The following INO80 variants were observed in gnomAD, a reference collection of about 807,000 sequenced individuals.
The protein encoded by INO80 is chromatin-remodeling ATPase INO80.
In INO80, 20 loss-of-function variants were observed where a neutral mutation model predicts 203.4. The observed-to-expected ratio is 0.10, with a 90% CI of 0.07 to 0.14. The LOEUF is 0.14. Ranked by LOEUF, INO80 falls within the 10% of genes least tolerant of loss-of-function variation. The probability of loss-of-function intolerance (pLI) is 1.00; values close to 1 mark genes in which losing one functional copy is unlikely to be tolerated. For missense variants in INO80, 1,419 were observed against 1,914.4 expected, an observed-to-expected ratio of 0.74 and a Z score of 4.83; for synonymous variants, 726 against 685.2, an observed-to-expected ratio of 1.06 and a Z score of -0.93.
chr15:41,000,201 G>C (rs1049862478), intron 28 of INO80, among the ~76,000 whole-genome samples: 1 of 152,118 alleles, frequency 6.6e-6, no homozygotes, highest in Non-Finnish European at 1.5e-5. Flanking sequence ...AGGAATCAAA[G>C]GCTCCTCTCT....
intron 21 of INO80, 125 bp downstream of exon 21, chr15:41,049,162 G>C: frequency 2.7e-6 from 2 of 742,758 alleles, no homozygotes; most frequent in Non-Finnish European, 4.1e-6. Flanking sequence ...ACAAATAGTT[G>C]TCCACCCTTT....
At chr15:41,086,275 G>GAA (rs1388719014) in intron 6 of INO80, among the ~76,000 whole-genome samples, 5 of 152,164 alleles carry the variant, frequency 3.3e-5, no homozygotes. Context: ...TCAGGTTGGA[G>GAA]AAAGTGTGTG....
At chr15:41,091,049 T>G (rs558125378) in intron 5 of INO80, among the ~76,000 whole-genome samples, 1 of 151,716 alleles carries the variant, frequency 6.6e-6, no homozygotes, top group South Asian at 2.1e-4. Context: ...CTCAGCCTCC[T>G]GAGTACCTGG....
chr15:41,107,432 T>C (rs1340507453), intron 1 of INO80, among the ~76,000 whole-genome samples: 2 of 151,854 alleles, frequency 1.3e-5, no homozygotes, highest in East Asian at 1.9e-4. Flanking sequence ...ACCCAGGAGA[T>C]GAAGGTTGCA....
intron 4 of INO80, among the ~76,000 whole-genome samples, chr15:41,095,271 G>A (rs1435856180): frequency 2.6e-5 from 4 of 152,158 alleles, no homozygotes; most frequent in Admixed American, 6.6e-5. Context: ...AACCTAGGAG[G>A]CGGAGGTTGC....
At chr15:41,026,486 G>A (rs2044376566) in intron 25 of INO80, among the ~76,000 whole-genome samples, 1 of 151,996 alleles carries the variant, frequency 6.6e-6, no homozygotes, top group Non-Finnish European at 1.5e-5. Flanking sequence ...CCAGGAGGTT[G>A]AGGTTGCAGT....
At chr15:40,987,282 A>T in intron 30 of INO80, 89 bp from the exon 31 acceptor site, 2 of 759,026 alleles carry the variant, frequency 2.6e-6, no homozygotes, top group Non-Finnish European at 4.5e-6. Context: ...TTCTCAACCC[A>T]CTCCTCAGGG....
intron 27 of INO80, among the ~76,000 whole-genome samples, chr15:41,014,792 C>A (rs954421663): frequency 5.3e-5 from 8 of 152,154 alleles, no homozygotes; most frequent in Non-Finnish European, 1.0e-4. Flanking sequence ...ATTCAACAAG[C>A]CAATCTTGGC....
At chr15:41,111,333 T>A (rs1201530887) in intron 1 of INO80, among the ~76,000 whole-genome samples, 1 of 152,036 alleles carries the variant, frequency 6.6e-6, no homozygotes, top group Non-Finnish European at 1.5e-5. Flanking sequence ...GTAGTCCCGG[T>A]TACTCAGGAG....
At chr15:41,045,413 A>G (rs2044738715) in intron 23 of INO80, among the ~76,000 whole-genome samples, 1 of 151,954 alleles carries the variant, frequency 6.6e-6, no homozygotes, top group South Asian at 2.1e-4. Flanking sequence ...AGATGGCAAA[A>G]TACAGTCTCT....
chr15:41,020,260 G>C (rs1178247103), intron 26 of INO80, among the ~76,000 whole-genome samples: 2 of 152,072 alleles, frequency 1.3e-5, no homozygotes, highest in Admixed American at 1.3e-4. Flanking sequence ...AGAGATTTTG[G>C]ACAACCAAAA....
At chr15:41,088,665 C>A (rs1203892705) in intron 5 of INO80, among the ~76,000 whole-genome samples, 1 of 152,130 alleles carries the variant, frequency 6.6e-6, no homozygotes, top group Non-Finnish European at 1.5e-5. Flanking sequence ...ATTACTAATG[C>A]ATAAATATAA....
chr15:41,017,290 T>G (rs1293122431), intron 26 of INO80: 1 of 152,258 alleles, frequency 6.6e-6, no homozygotes. Flanking sequence ...TAGAGTTTCC[T>G]GTTTGCAGAC....
At chr15:41,103,550 C>T (rs1380845149) in intron 1 of INO80, among the ~76,000 whole-genome samples, 1 of 152,040 alleles carries the variant, frequency 6.6e-6, no homozygotes, top group Non-Finnish European at 1.5e-5. Context: ...CCACCACGCC[C>T]GGCTAATTTT....
chr15:41,081,811 G>A (rs1466276808), intron 7 of INO80, among the ~76,000 whole-genome samples: 1 of 152,100 alleles, frequency 6.6e-6, no homozygotes, highest in African/African-American at 2.4e-5. Context: ...AAGTGACAAA[G>A]AAGGTCTGAA....
At chr15:41,042,803 T>G (rs1361542243) in intron 24 of INO80, among the ~76,000 whole-genome samples, 2 of 152,162 alleles carry the variant, frequency 1.3e-5, no homozygotes, top group African/African-American at 4.8e-5. Flanking sequence ...ATGAGAACCA[T>G]AAGCTCTAGC....
intron 21 of INO80, 133 bp downstream of exon 21, chr15:41,049,154 A>G (rs2044819184): frequency 1.4e-6 from 1 of 714,348 alleles, no homozygotes; most frequent in Admixed American, 3.3e-5. Flanking sequence ...ATCCCTCAAC[A>G]AATAGTTGTC....
chr15:41,036,156 G>GAAAAAAAAAAAAAAAAAAA (rs369185302), intron 24 of INO80, among the ~76,000 whole-genome samples: 1 of 32,138 alleles, frequency 3.1e-5, no homozygotes, highest in African/African-American at 9.5e-5. Flanking sequence ...ACTCTCTCTC[G>GAAAAAAAAAAAAAAAAAAA]AAAAAAAAAA....
At chr15:41,077,150 G>A (rs150434125) in intron 9 of INO80, among the ~76,000 whole-genome samples, 6 of 151,246 alleles carry the variant, frequency 4.0e-5, no homozygotes, top group South Asian at 2.1e-4. Context: ...CTCTTGATCC[G>A]CCCACCTCGG....
Sources: allele counts gnomAD v4.1 joint callset (sites outside exome capture counted in the v4.1 genomes callset), GRCh38; gene constraint gnomAD v4.1.1; transcripts MANE v1.5; gene names NCBI Gene and HGNC (gene_info 2026-07-23, HGNC 2026-07-21).